TMEFF2: variants seen among roughly 807,000 people sequenced by gnomAD.
TMEFF2 encodes tomoregulin-2.
TMEFF2 carries 28 observed loss-of-function variants against 53.8 expected under a neutral mutation model. The ratio of observed to expected loss-of-function variants is 0.52; its 90% CI spans 0.39 to 0.71. The LOEUF is 0.71. TMEFF2 is among the 30% of genes least tolerant of loss of function. TMEFF2 has a pLI of 0.00. For missense variants in TMEFF2, 353 were observed against 455.2 expected (o/e 0.78, Z 2.04); for synonymous variants, 162 against 166.3 (o/e 0.97, Z 0.20).
At chr2:191,954,091 G>A (rs564297734) in intron 8 of TMEFF2, among the ~76,000 whole-genome samples, 22 of 151,936 alleles carry the variant, frequency 1.4e-4, no homozygotes, top group East Asian at 1.9e-4. Context: ...GTTTCACCCT[G>A]TTAGCCAGGA....
chr2:192,170,252 T>G (rs1690874076), intron 4 of TMEFF2, among the ~76,000 whole-genome samples: 1 of 152,018 alleles, frequency 6.6e-6, no homozygotes, highest in African/African-American at 2.4e-5. Flanking sequence ...CACTACCACT[T>G]AAATCAGTGT....
At chr2:192,114,199 A>G (rs1559132316) in intron 4 of TMEFF2, among the ~76,000 whole-genome samples, 2 of 151,920 alleles carry the variant, frequency 1.3e-5, no homozygotes, top group Non-Finnish European at 2.9e-5. Flanking sequence ...TGTAGAGAAC[A>G]GGAATATAGC....
chr2:192,117,056 T>C (rs796141880), intron 4 of TMEFF2, among the ~76,000 whole-genome samples: 4 of 152,302 alleles, frequency 2.6e-5, no homozygotes, highest in African/African-American at 9.6e-5. Context: ...ATGTTTGATA[T>C]TTGTAATGTT....
chr2:192,057,859 G>T, intron 4 of TMEFF2, 84 bp from the exon 5 acceptor site: 1 of 1,120,596 alleles, frequency 8.9e-7, no homozygotes, highest in Non-Finnish European at 1.4e-6. Flanking sequence ...AATTAAAGCT[G>T]CTACTTTCCC....
intron 4 of TMEFF2, among the ~76,000 whole-genome samples, chr2:192,139,718 G>A (rs1690093025): frequency 6.6e-6 from 1 of 152,146 alleles, no homozygotes; most frequent in Non-Finnish European, 1.5e-5. Flanking sequence ...CATGCTGCAT[G>A]CCAAACGAAT....
At chr2:192,116,299 C>T (rs1280081475) in intron 4 of TMEFF2, among the ~76,000 whole-genome samples, 2 of 151,846 alleles carry the variant, frequency 1.3e-5, no homozygotes, top group Non-Finnish European at 2.9e-5. Flanking sequence ...AAACTGAGAG[C>T]AGAGTGTGAT....
At chr2:192,193,261 C>A (rs372254610) in intron 1 of TMEFF2, among the ~76,000 whole-genome samples, 6 of 152,148 alleles carry the variant, frequency 3.9e-5, no homozygotes, top group African/African-American at 1.2e-4. Flanking sequence ...CTAGAACAGA[C>A]CACACCTAGG....
intron 7 of TMEFF2, among the ~76,000 whole-genome samples, chr2:191,960,404 A>C (rs1692238360): frequency 6.6e-6 from 1 of 152,184 alleles, no homozygotes; most frequent in African/African-American, 2.4e-5. Context: ...TACCCATTTA[A>C]CAGTTAACAT....
At chr2:192,138,713 G>A (rs143833554) in intron 4 of TMEFF2, among the ~76,000 whole-genome samples, 1 of 152,284 alleles carries the variant, frequency 6.6e-6, no homozygotes, top group African/African-American at 2.4e-5. Flanking sequence ...AAGGAAGGGA[G>A]TTTCTCATTC....
chr2:192,056,738 G>C (rs1185233269), intron 5 of TMEFF2, among the ~76,000 whole-genome samples: 1 of 152,162 alleles, frequency 6.6e-6, no homozygotes, highest in East Asian at 1.9e-4. Context: ...ATAGTATTGG[G>C]AGGTAGGACC....
chr2:191,959,203 C>T (rs941957858), intron 7 of TMEFF2, among the ~76,000 whole-genome samples: 5 of 152,166 alleles, frequency 3.3e-5, no homozygotes, highest in Non-Finnish European at 7.3e-5. Context: ...AAGGGTTGTG[C>T]TCTTTCTTCT....
intron 4 of TMEFF2, among the ~76,000 whole-genome samples, chr2:192,142,672 ATAGGAAGGT>A (rs1690166406): frequency 1.3e-5 from 2 of 152,140 alleles, no homozygotes; most frequent in South Asian, 4.1e-4. Flanking sequence ...GCAGGTACTG[ATAGGAAGGT>A]TTTATTAGGT....
At chr2:191,992,138 C>T (rs1273878744) in intron 7 of TMEFF2, among the ~76,000 whole-genome samples, 1 of 152,006 alleles carries the variant, frequency 6.6e-6, no homozygotes, top group Non-Finnish European at 1.5e-5. Flanking sequence ...AGTCTGGTGG[C>T]ACTGTAATAG....
At chr2:191,991,008 A>G (rs144841592) in intron 7 of TMEFF2, among the ~76,000 whole-genome samples, 3 of 152,190 alleles carry the variant, frequency 2.0e-5, no homozygotes, top group African/African-American at 7.2e-5. Context: ...ATGTCTTCCT[A>G]CTGAATTTCT....
rs183406844 is a variant in TMEFF2, at chr2:191,996,677, G to C, written c.745+1585C>G. 2.2e-3 allele frequency among the ~76,000 whole-genome samples: 340 copies of C among 151,572 alleles called. 1 individual carries two copies. The highest frequency in any genetic ancestry group is 7.5e-3 in the African/African-American group (308 of 41,238). On this transcript the variant is annotated intron_variant, in intron 7 of 9. Coordinates refer to ENST00000272771, the MANE Select transcript of TMEFF2 (RefSeq NM_016192.4). Reference sequence around the variant, plus strand: ...ATCAAACAATTTTGTTAAAAGCTGTGTACTATAAGGAACTATTCATAATTT... The same window carrying C: ...ATCAAACAATTTTGTTAAAAGCTGTCTACTATAAGGAACTATTCATAATTT...
At chr2:192,027,912 C>G (rs1687011538) in intron 5 of TMEFF2, 2 of 152,118 alleles carry the variant, frequency 1.3e-5, no homozygotes, top group African/African-American at 2.4e-5. Context: ...TCTGGTGACC[C>G]CATGAGTCAT....
rs536933026 is a variant in TMEFF2, at chr2:192,026,035, G to GA, written c.537-26828dup. Among the ~76,000 whole-genome samples the GA allele has an allele frequency of 8.5e-4, 130 of 152,048 alleles. 5 individuals are homozygous for GA. In the South Asian group the frequency reaches 0.024, roughly 28 times the overall value. On this transcript the variant is annotated intron_variant, in intron 5 of 9. Transcript: ENST00000272771. ...AACATGCTGGGAAGAAAATGGTAAA[G>GA]AAAAAAAATACAATTCATTGCTTGT...
chr2:192,186,589 C>T (rs1009250331), intron 2 of TMEFF2, among the ~76,000 whole-genome samples: 1 of 152,110 alleles, frequency 6.6e-6, no homozygotes, highest in African/African-American at 2.4e-5. Flanking sequence ...GATCGATAGA[C>T]TTGCCGATCC....
chr2:191,991,055 T>C (rs1446624922), intron 7 of TMEFF2, among the ~76,000 whole-genome samples: 1 of 152,124 alleles, frequency 6.6e-6, no homozygotes. Flanking sequence ...CATGATCATA[T>C]TATATTTTAT....
Sources: allele counts gnomAD v4.1 joint callset (sites outside exome capture counted in the v4.1 genomes callset), GRCh38; gene constraint gnomAD v4.1.1; transcripts MANE v1.5; gene names NCBI Gene and HGNC (gene_info 2026-07-23, HGNC 2026-07-21).